Variants in ZIM2 observed in about 807,000 individuals in gnomAD.
ZIM2 encodes zinc finger protein 656.
In ZIM2, 14 loss-of-function variants were observed where a neutral mutation model predicts 38.6. The observed-to-expected ratio is 0.36, with a 90% CI of 0.24 to 0.57. ZIM2 has a LOEUF of 0.57. ZIM2 is among the 20% of genes least tolerant of loss of function. The pLI is 0.81. For missense variants in ZIM2, 680 were observed against 695.1 expected (o/e 0.98, Z 0.24); for synonymous variants, 247 against 245.8 (o/e 1.00, Z -0.04).
intron 9 of ZIM2, among the ~76,000 whole-genome samples, chr19:56,795,542 G>T (rs972519961): frequency 4.8e-4 from 73 of 152,236 alleles, no homozygotes; most frequent in African/African-American, 1.7e-3. Context: ...CGCCGTGGCT[G>T]GCTTGCGCGT....
Position 56,836,032 on chromosome 19 carries a change from CT to C in ZIM2, c.-242del, listed in dbSNP as rs2044463389. On this transcript the variant is annotated 5_prime_UTR_variant, in exon 2 of 13. Transcript: ENST00000629319. ...ATTCAACTCACCTGGACCCAGCCAC[CT>C]AGCGTTTGGACCTAGTCCCTCTTCC... 2.0e-6 allele frequency: 1 copy of C among 511,866 alleles called. No homozygotes were observed. The highest frequency in any genetic ancestry group is 1.4e-5 in the South Asian group (1 of 69,516). The allele number at this position is 511,866 out of a possible 1,614,324, so 31.7% of individuals were successfully genotyped here.
At chr19:56,830,478 C>A (rs10407422) in intron 2 of ZIM2, among the ~76,000 whole-genome samples, 11,270 of 152,232 alleles carry the variant, frequency 0.074, 1,356 homozygotes, top group African/African-American at 0.26. Flanking sequence ...ATCTCAAATA[C>A]ATGCAAACAA....
At position 56,814,295 on chromosome 19, in the gene ZIM2, C is replaced by G. The variant is rs1304991919; in HGVS notation, c.490+3451G>C. 6.2e-7 allele frequency: 1 copy of G among 1,613,896 alleles called. No homozygotes were observed. The highest frequency in any genetic ancestry group is 1.1e-5 in the South Asian group (1 of 91,056). On this transcript the variant is annotated intron_variant, in intron 9 of 12. Coordinates refer to ENST00000629319, the MANE Select transcript of ZIM2 (RefSeq NM_001387356.1). This position sits in a 1 kb window ranked among gnomAD's most constrained non-coding sequence, Gnocchi z 5.8. ...TTTAAGCCCTGAATCCTCAGAACTA[C>G]TTGTGGAACATGGACATTGGCTTCA...
intron 10 of ZIM2, among the ~76,000 whole-genome samples, chr19:56,789,526 T>C (rs994234417): frequency 1.3e-5 from 2 of 152,186 alleles, no homozygotes; most frequent in Non-Finnish European, 2.9e-5. Context: ...CAAGGGTTTT[T>C]CTGAATAAAA....
intron 12 of ZIM2, among the ~76,000 whole-genome samples, chr19:56,779,163 C>T (rs148073907): frequency 1.5e-3 from 221 of 152,022 alleles, no homozygotes; most frequent in African/African-American, 4.7e-3. Context: ...GGCTGGAACA[C>T]GAGGGTGAAA....
At chr19:56,830,492 T>C (rs920595491) in intron 2 of ZIM2, among the ~76,000 whole-genome samples, 3 of 152,184 alleles carry the variant, frequency 2.0e-5, no homozygotes, top group Admixed American at 6.5e-5. Context: ...CAAACAAGCA[T>C]GTTATTAAAC....
At chr19:56,790,410 T>C (rs2046869860) in intron 9 of ZIM2, among the ~76,000 whole-genome samples, 1 of 152,216 alleles carries the variant, frequency 6.6e-6, no homozygotes, top group Non-Finnish European at 1.5e-5. Flanking sequence ...TCATATGTTA[T>C]AAATTGTGTG....
chr19:56,784,286 C>G (rs2046477844), intron 10 of ZIM2, among the ~76,000 whole-genome samples: 1 of 152,200 alleles, frequency 6.6e-6, no homozygotes, highest in South Asian at 2.1e-4. Context: ...TTTTTCATAA[C>G]CTTTTTTCTT....
In ZIM2 at chr19:56,822,943, A is replaced by G. The variant is rs2060640961; in HGVS notation, c.107-107T>C. On this transcript the variant is annotated intron_variant, in intron 5 of 12. Transcript: ENST00000629319. ...GAAAGAGATGCTACCCTCTTCCCAC[A>G]AGGAGATGGATCCAAAACAGAGAGC... is the stretch of plus-strand genomic sequence containing the variant. 4.9e-6 allele frequency: 7 copies of G among 1,432,926 alleles called. No homozygotes were observed. In the South Asian group the frequency reaches 8.8e-5, roughly 18 times the overall value. 88.8% of individuals were successfully genotyped at this position (1,432,926 alleles called of 1,614,324 possible). A position where few individuals can be genotyped will look rare whatever the true frequency, so the allele number is the denominator to read the frequency against.
At chr19:56,824,860 G>C (rs1342554784) in intron 3 of ZIM2, 6 of 548,698 alleles carry the variant, frequency 1.1e-5, no homozygotes, top group Non-Finnish European at 1.6e-5. Flanking sequence ...CAGTAAATAG[G>C]CAAACAACCG....
chr19:56,832,385 G>C (rs1018232234), intron 2 of ZIM2, among the ~76,000 whole-genome samples: 4 of 151,952 alleles, frequency 2.6e-5, no homozygotes, highest in African/African-American at 9.7e-5. Context: ...ACCACAGAGG[G>C]GGCTAACACG....
chr19:56,811,723 T>C (rs1202300185), intron 9 of ZIM2: 15 of 985,490 alleles, frequency 1.5e-5, no homozygotes, highest in Non-Finnish European at 1.8e-5. Flanking sequence ...GCTTTCCCGA[T>C]GTCCGTTCCA....
Position 56,824,405 on chromosome 19 carries a change from T to C in ZIM2, c.-128A>G, listed in dbSNP as rs1266149259. 6.2e-7 allele frequency: 1 copy of C among 1,614,002 alleles called. No homozygotes were observed. Among genetic ancestry groups the C allele is most frequent in the Non-Finnish European group, 8.5e-7 (1 of 1,180,032 alleles). On this transcript the variant is annotated 5_prime_UTR_variant, in exon 4 of 13. Coordinates refer to ENST00000629319, the MANE Select transcript of ZIM2 (RefSeq NM_001387356.1). ...CTCAAGGACCAAGAGCTCGATGATC[T>C]CCTCCTTGGTGCGGGTCTCCGGCTG... is the stretch of plus-strand genomic sequence containing the variant.
intron 10 of ZIM2, 45 bp downstream of exon 10, chr19:56,789,827 A>T (rs758683705): frequency 4.1e-6 from 6 of 1,447,344 alleles, no homozygotes; most frequent in Non-Finnish European, 5.6e-6. Flanking sequence ...TAGGAAGATA[A>T]GATCCCCATA....
rs2059973140 is a variant in ZIM2 at position 56,816,308 on chromosome 19, G to A, written c.490+1438C>T. On this transcript the variant is annotated intron_variant, in intron 9 of 12. Transcript: ENST00000629319. ...TTCTCATACCCTCTGCCTTCAAAGAGGTTCTTTCGAGAATGAATTTTCTGA... is the reference window on the plus strand; with the variant it reads ...TTCTCATACCCTCTGCCTTCAAAGAAGTTCTTTCGAGAATGAATTTTCTGA... The A allele has an allele frequency of 2.5e-6, 4 of 1,614,102 alleles. No homozygotes were observed. The East Asian group carries it at 8.9e-5, about 36-fold the overall frequency.
intron 2 of ZIM2, among the ~76,000 whole-genome samples, chr19:56,830,190 T>C (rs2061445475): frequency 6.6e-6 from 1 of 152,244 alleles, no homozygotes; most frequent in Admixed American, 6.5e-5. Flanking sequence ...TCTATATTTT[T>C]ATAGGTGTTC....
At chr19:56,816,417 A>G (rs2059982909) in intron 9 of ZIM2, 1 of 1,613,834 alleles carries the variant, frequency 6.2e-7, no homozygotes, top group African/African-American at 1.3e-5. Flanking sequence ...AAGTTTTCTG[A>G]CGCCTTTTAA....
intron 1 of ZIM2, among the ~76,000 whole-genome samples, chr19:56,838,120 G>A (rs950407557): frequency 6.6e-6 from 1 of 152,192 alleles, no homozygotes; most frequent in African/African-American, 2.4e-5. Context: ...AGAGTGGGCG[G>A]GGCCATGCAG....
chr19:56,804,485 A>C (rs1237103507), intron 9 of ZIM2, among the ~76,000 whole-genome samples: 1 of 152,250 alleles, frequency 6.6e-6, no homozygotes, highest in Non-Finnish European at 1.5e-5. Context: ...AGCAATGAGT[A>C]GGTGTAGCGA....
Sources: allele counts gnomAD v4.1 joint callset (sites outside exome capture counted in the v4.1 genomes callset), GRCh38; gene constraint gnomAD v4.1.1; non-coding constraint Gnocchi (gnomAD v3.1); transcripts MANE v1.5; gene names NCBI Gene and HGNC (gene_info 2026-07-23, HGNC 2026-07-21).